The following KDM4B variants were observed in gnomAD, a reference collection of about 807,000 sequenced individuals.
The protein encoded by KDM4B is lysine-specific demethylase 4B.
A neutral mutation model predicts 125.2 loss-of-function variants in KDM4B; 32 were observed. That is an observed-to-expected ratio of 0.26 (90% CI 0.19 to 0.34). The LOEUF is 0.34. Ranked by LOEUF, KDM4B falls within the 10% of genes least tolerant of loss-of-function variation. The pLI, the probability that KDM4B is intolerant of heterozygous loss-of-function variation, is 1.00. For synonymous variants in KDM4B, 721 were observed against 677.9 expected (o/e 1.06, Z -0.99); for missense variants, 1,190 against 1,577.7 (o/e 0.75, Z 4.16).
intron 9 of KDM4B, among the ~76,000 whole-genome samples, chr19:5,100,775 G>T (rs1469627464): frequency 1.3e-5 from 2 of 152,138 alleles, no homozygotes; most frequent in African/African-American, 2.4e-5. Flanking sequence ...CACTTAACCT[G>T]TCTATTGATG....
chr19:4,985,896 C>G (rs1004963250), intron 1 of KDM4B, among the ~76,000 whole-genome samples: 1 of 152,196 alleles, frequency 6.6e-6, no homozygotes, highest in Non-Finnish European at 1.5e-5. Flanking sequence ...GAAGCCTCCC[C>G]GGCGCCCAGC....
chr19:5,110,713 A>G lies in KDM4B; in HGVS notation c.1010A>G (p.Lys337Arg), dbSNP rs2039124525. The change falls in exon 10 of 23, where the codon AAG becomes AGG. Residue 337 changes from lysine (K) to arginine (R), a missense_variant. Around this residue, in one of 7 missense-constraint regions of KDM4B, gnomAD observed 428 missense variants for 405.1 expected, o/e 1.06. Coordinates refer to ENST00000159111, the MANE Select transcript of KDM4B (RefSeq NM_015015.3). ...PERYELWKQG[K>R]DLTVLDHTRP... The stretch of plus-strand genomic sequence containing the variant: ...CGCTACGAGCTGTGGAAGCAGGGCA[A>G]GGACCTCACGGTGCTGGACCACACG... 3 of 1,612,934 alleles carry G rather than the reference A, an allele frequency of 1.9e-6. No individual in the cohort carries two copies. The highest frequency in any genetic ancestry group is 2.2e-5 in the East Asian group (1 of 44,872).
chr19:5,091,641 C>T (rs575941960), intron 9 of KDM4B, among the ~76,000 whole-genome samples: 9 of 152,162 alleles, frequency 5.9e-5, no homozygotes, highest in South Asian at 4.1e-4. Context: ...TTTCTGCTGC[C>T]TGGGAGAACT....
intron 9 of KDM4B, among the ~76,000 whole-genome samples, chr19:5,083,010 G>C (rs2038351836): frequency 6.6e-6 from 1 of 152,154 alleles, no homozygotes; most frequent in African/African-American, 2.4e-5. Flanking sequence ...CAGTCCCCCA[G>C]CTCCCAGTGC....
intron 9 of KDM4B, among the ~76,000 whole-genome samples, chr19:5,083,827 C>T (rs562888513): frequency 5.3e-5 from 8 of 152,196 alleles, no homozygotes; most frequent in Non-Finnish European, 1.0e-4. Context: ...GCAGAGCCTT[C>T]CAGTTCCTCC....
At chr19:5,118,950 G>A (rs1026303721) in intron 10 of KDM4B, among the ~76,000 whole-genome samples, 1 of 152,222 alleles carries the variant, frequency 6.6e-6, no homozygotes, top group Admixed American at 6.5e-5. Flanking sequence ...GCCCTGGGGT[G>A]TGGGCACAGG....
At chr19:5,027,486 C>T (rs1367018408) in intron 2 of KDM4B, among the ~76,000 whole-genome samples, 2 of 152,064 alleles carry the variant, frequency 1.3e-5, no homozygotes. Flanking sequence ...TTCAGGAGAG[C>T]ATTATTCTTT....
chr19:5,088,499 G>C (rs1005999244), intron 9 of KDM4B, among the ~76,000 whole-genome samples: 1 of 152,168 alleles, frequency 6.6e-6, no homozygotes, highest in Non-Finnish European at 1.5e-5. Context: ...GAGGTCGATG[G>C]GGGGGAGGTT....
Position 5,081,908 on chromosome 19 carries a change from G to T in KDM4B, c.781-459G>T, listed in dbSNP as rs899055477. Among the ~76,000 whole-genome samples the T allele has an allele frequency of 6.6e-6, 1 of 152,218 alleles. No homozygotes were observed. The highest frequency in any genetic ancestry group is 1.9e-4 in the East Asian group (1 of 5,194). ...AGCTGCTGTCAGCACCACCCGCCCC[G>T]AAACCAGCCCCAGCTGCTTCAGGAC... On this transcript the variant is annotated intron_variant, in intron 8 of 22. Transcript: ENST00000159111. The surrounding 1 kb of genome is among the most constrained non-coding windows in gnomAD (Gnocchi z 4.2).
intron 22 of KDM4B, 140 bp from the exon 23 acceptor site, chr19:5,151,195 A>T (rs2039940984): frequency 1.4e-6 from 1 of 729,214 alleles, no homozygotes; most frequent in Non-Finnish European, 2.0e-6. Context: ...TACAAACACG[A>T]AAACAGGAGC....
At chr19:5,047,955 C>T (rs1376611575) in intron 6 of KDM4B, among the ~76,000 whole-genome samples, 2 of 152,224 alleles carry the variant, frequency 1.3e-5, no homozygotes, top group Admixed American at 6.5e-5. Flanking sequence ...TCCCCATGGC[C>T]AGGAGCGTGG....
At chr19:5,118,445 C>A (rs2039298110) in intron 10 of KDM4B, among the ~76,000 whole-genome samples, 2 of 152,096 alleles carry the variant, frequency 1.3e-5, no homozygotes, top group South Asian at 2.1e-4. Context: ...CCTAGAGAGG[C>A]CCCTGGCCAG....
chr19:5,017,922 A>G (rs1360891256), intron 2 of KDM4B, among the ~76,000 whole-genome samples: 10 of 151,312 alleles, frequency 6.6e-5, no homozygotes, highest in African/African-American at 2.4e-4. Context: ...TTGTATTTTC[A>G]GTAGAGATGG....
chr19:5,061,423 G>GT (rs143908182), intron 6 of KDM4B, among the ~76,000 whole-genome samples: 83 of 152,324 alleles, frequency 5.4e-4, no homozygotes, highest in African/African-American at 1.9e-3. Flanking sequence ...CAATAAGGCT[G>GT]TTTCCTGGGA....
chr19:5,002,883 C>G (rs1440856231), intron 1 of KDM4B, among the ~76,000 whole-genome samples: 1 of 151,888 alleles, frequency 6.6e-6, no homozygotes, highest in East Asian at 2.0e-4. Flanking sequence ...CCCAGGAGTT[C>G]AAGGCTGCCA....
chr19:5,119,447 C>G (rs1188280590), intron 10 of KDM4B, among the ~76,000 whole-genome samples: 1 of 152,194 alleles, frequency 6.6e-6, no homozygotes, highest in Non-Finnish European at 1.5e-5. Context: ...TCCCTTTGGT[C>G]TCTCCTCCCA....
chr19:4,988,234 C>T (rs1287656461), intron 1 of KDM4B, among the ~76,000 whole-genome samples: 1 of 152,236 alleles, frequency 6.6e-6, no homozygotes, highest in Non-Finnish European at 1.5e-5. Flanking sequence ...GTGTCCTGAG[C>T]TTCTGCTGGA....
chr19:4,971,540 G>T lies in KDM4B; in HGVS notation c.-109+2310G>T, dbSNP rs1201375177. Among the ~76,000 whole-genome samples the T allele has an allele frequency of 2.0e-5, 3 of 152,192 alleles. No individual in the cohort carries two copies. Among genetic ancestry groups the T allele is most frequent in the African/African-American group, 7.2e-5 (3 of 41,450 alleles). On this transcript the variant is annotated intron_variant, in intron 1 of 22. Transcript: ENST00000159111. The surrounding 1 kb of genome is among the most constrained non-coding windows in gnomAD (Gnocchi z 4.1). ...GGTTCCATCTGACACCTGTGGGGAC[G>T]TGCCTTGGGGTCATGCGTTCACCTG...
rs192077889 is a variant in KDM4B at position 5,009,141 on chromosome 19, C to G, written c.-108-7116C>G. ...TGTTGGTGAGGCTGGTCTCAAACTC[C>G]TGACCTCGAAAGATCTGCTCACCTT... On this transcript the variant is annotated intron_variant, in intron 1 of 22. Transcript: ENST00000159111. Among the ~76,000 whole-genome samples the G allele has an allele frequency of 2.0e-3, 300 of 152,094 alleles. 1 individual carries two copies. Among genetic ancestry groups the G allele is most frequent in the Non-Finnish European group, 3.2e-3 (218 of 68,000 alleles).
Sources: allele counts gnomAD v4.1 joint callset (sites outside exome capture counted in the v4.1 genomes callset), GRCh38; gene constraint gnomAD v4.1.1; regional missense constraint gnomAD v4.1.1; non-coding constraint Gnocchi (gnomAD v3.1); transcripts MANE v1.5; gene names NCBI Gene and HGNC (gene_info 2026-07-23, HGNC 2026-07-21).